The following HECW1 variants were observed in gnomAD, a reference collection of about 807,000 sequenced individuals.
HECW1 encodes E3 ubiquitin-protein ligase HECW1.
Under a neutral mutation model 182.3 loss-of-function variants are expected in HECW1, and 61 were observed. The observed-to-expected ratio is 0.33, with a 90% confidence interval of 0.27 to 0.41. HECW1 has a LOEUF of 0.41. Ranked by LOEUF, HECW1 falls within the 10% of genes least tolerant of loss-of-function variation. The pLI, the probability that HECW1 is intolerant of heterozygous loss-of-function variation, is 1.00. For synonymous variants in HECW1, 859 were observed against 832.6 expected (o/e 1.03, Z -0.55); for missense variants, 1,739 against 2,108.9 (o/e 0.82, Z 3.44).
chr7:43,446,199 G>A (rs1458089289), intron 11 of HECW1, among the ~76,000 whole-genome samples: 1 of 151,960 alleles, frequency 6.6e-6, no homozygotes, highest in Non-Finnish European at 1.5e-5. Context: ...CTAATGGAAG[G>A]GAAAAATAAC....
In HECW1 at chr7:43,524,876, T is replaced by C. The variant is rs147431809; in HGVS notation, c.4019+15755T>C. Among the ~76,000 whole-genome samples, 1,230 of 152,300 alleles carry C rather than the reference T, an allele frequency of 8.1e-3. 21 individuals are homozygous for C. Among genetic ancestry groups the C allele is most frequent in the African/African-American group, 0.028 (1,182 of 41,568 alleles). On this transcript the variant is annotated intron_variant, in intron 24 of 29. Coordinates refer to ENST00000395891, the MANE Select transcript of HECW1 (RefSeq NM_015052.5). ...AGGTGGAAGGAGCTCCTGTGTCCTG[T>C]AGAGGGGCATGAAATGCTATTTACA...
intron 8 of HECW1, among the ~76,000 whole-genome samples, chr7:43,431,306 T>C (rs1219519127): frequency 1.3e-5 from 2 of 152,224 alleles, no homozygotes; most frequent in Non-Finnish European, 2.9e-5. Context: ...TCCATCATTC[T>C]GTTCCTTCAT....
intron 8 of HECW1, among the ~76,000 whole-genome samples, chr7:43,421,507 G>C (rs1303766629): frequency 6.6e-6 from 1 of 152,098 alleles, no homozygotes; most frequent in East Asian, 1.9e-4. Flanking sequence ...GCCACAGAGT[G>C]GGTAAAGATG....
Position 43,565,582 on chromosome 7 carries a change from T to TTTA in HECW1, c.*3672_*3674dup, listed in dbSNP as rs57824560. 9,295 of 161,242 alleles carry TTTA rather than the reference T, an allele frequency of 0.058. 979 individuals are homozygous for TTTA. Among genetic ancestry groups the TTTA allele is most frequent in the African/African-American group, 0.22 (8,826 of 40,306 alleles). 10.0% of individuals were successfully genotyped at this position (161,242 alleles called of 1,614,324 possible). On this transcript the variant is annotated 3_prime_UTR_variant, in exon 30 of 30. Transcript: ENST00000395891. ...CTTTATTATTATTATTATTATTATT[T>TTTA]TTATTATTATTATTATTACGTACTT...
chr7:43,518,688 G>T (rs1202828368), intron 24 of HECW1, among the ~76,000 whole-genome samples: 3 of 151,798 alleles, frequency 2.0e-5, no homozygotes, highest in African/African-American at 7.3e-5. Flanking sequence ...TACAACCCTG[G>T]GAAAACTGGT....
chr7:43,558,019 T>G lies in HECW1; in HGVS notation c.4709+3229T>G, dbSNP rs191279000. 5.9e-4 allele frequency among the ~76,000 whole-genome samples: 90 copies of G among 151,692 alleles called. 1 individual carries two copies. The highest frequency in any genetic ancestry group is 5.0e-4 in the Non-Finnish European group (34 of 67,902). ...ATGACGTGGAATTGACAGCAGGGAG[T>G]GTGAAGAATGTCCATCCACGTCACA... On this transcript the variant is annotated intron_variant, in intron 29 of 29. Transcript: ENST00000395891.
intron 2 of HECW1, among the ~76,000 whole-genome samples, chr7:43,193,477 G>A (rs1306199847): frequency 6.6e-6 from 1 of 152,108 alleles, no homozygotes; most frequent in South Asian, 2.1e-4. Context: ...TGTCTCCGGG[G>A]TTCAAACAAT....
intron 5 of HECW1, among the ~76,000 whole-genome samples, chr7:43,353,660 G>A (rs75168393): frequency 6.6e-6 from 1 of 151,964 alleles, no homozygotes; most frequent in African/African-American, 2.4e-5. Flanking sequence ...CTGGCACCAA[G>A]TGCATGGAAA....
chr7:43,309,364 T>C (rs940565466), intron 3 of HECW1, among the ~76,000 whole-genome samples: 4 of 152,120 alleles, frequency 2.6e-5, no homozygotes, highest in Non-Finnish European at 4.4e-5. Flanking sequence ...AATGTCATCG[T>C]TCCAATCCAG....
At chr7:43,289,891 G>C (rs1448593618) in intron 3 of HECW1, among the ~76,000 whole-genome samples, 2 of 152,312 alleles carry the variant, frequency 1.3e-5, no homozygotes, top group Non-Finnish European at 2.9e-5. Flanking sequence ...GTCATAGATG[G>C]GTTTTAGGGA....
At chr7:43,389,567 A>G (rs767688820) in intron 6 of HECW1, among the ~76,000 whole-genome samples, 1 of 152,216 alleles carries the variant, frequency 6.6e-6, no homozygotes, top group Non-Finnish European at 1.5e-5. Context: ...AATCTCAGCT[A>G]GCATTTTCAT....
intron 2 of HECW1, among the ~76,000 whole-genome samples, chr7:43,129,287 A>T (rs1416257090): frequency 1.3e-5 from 2 of 152,220 alleles, no homozygotes; most frequent in Admixed American, 1.3e-4. Flanking sequence ...ACGGTCACCC[A>T]ACCTTCAGTA....
chr7:43,259,380 C>T (rs1422895165), intron 3 of HECW1, among the ~76,000 whole-genome samples: 2 of 131,342 alleles, frequency 1.5e-5, no homozygotes, highest in Admixed American at 7.4e-5. Context: ...GAGTGAGACT[C>T]CATGTCCAAA....
At chr7:43,337,013 A>G (rs1031873652) in intron 5 of HECW1, among the ~76,000 whole-genome samples, 2 of 152,192 alleles carry the variant, frequency 1.3e-5, no homozygotes, top group African/African-American at 2.4e-5. Flanking sequence ...ATAGGAGTGC[A>G]GATGTCTTTT....
chr7:43,550,846 T>C (rs558781428), intron 27 of HECW1, among the ~76,000 whole-genome samples: 1 of 152,342 alleles, frequency 6.6e-6, no homozygotes, highest in Admixed American at 6.5e-5. Flanking sequence ...GCAACTGGCA[T>C]GTGACCCTGG....
chr7:43,483,253 C>A (rs1335078427), intron 17 of HECW1, among the ~76,000 whole-genome samples: 1 of 152,180 alleles, frequency 6.6e-6, no homozygotes, highest in East Asian at 1.9e-4. Context: ...GGGAAAGACT[C>A]TTGGCATTTG....
intron 2 of HECW1, among the ~76,000 whole-genome samples, chr7:43,168,008 G>A (rs1457467184): frequency 6.6e-6 from 1 of 152,156 alleles, no homozygotes; most frequent in African/African-American, 2.4e-5. Context: ...ACACCACCAA[G>A]TAAAATTATT....
intron 19 of HECW1, among the ~76,000 whole-genome samples, chr7:43,496,629 C>T (rs1026012721): frequency 3.3e-5 from 5 of 152,168 alleles, no homozygotes; most frequent in African/African-American, 1.2e-4. Context: ...TCATGGCTTC[C>T]TCTGTGGTCC....
At chr7:43,340,801 A>G (rs1236578171) in intron 5 of HECW1, among the ~76,000 whole-genome samples, 1 of 151,666 alleles carries the variant, frequency 6.6e-6, no homozygotes, top group Non-Finnish European at 1.5e-5. Flanking sequence ...CCCTGATCCC[A>G]TTACTGGGTA....
Sources: allele counts gnomAD v4.1 joint callset (sites outside exome capture counted in the v4.1 genomes callset), GRCh38; gene constraint gnomAD v4.1.1; transcripts MANE v1.5; gene names NCBI Gene and HGNC (gene_info 2026-07-23, HGNC 2026-07-21).